The following SENP7 variants were observed in gnomAD, a reference collection of about 807,000 sequenced individuals.
The protein encoded by SENP7 is SUMO specific peptidase 7.
A neutral mutation model predicts 141.2 loss-of-function variants in SENP7; 64 were observed. The observed-to-expected ratio is 0.45, with a 90% CI of 0.37 to 0.56. The LOEUF (loss-of-function observed/expected upper bound fraction) is 0.56. SENP7 is among the 20% of genes least tolerant of loss of function. The pLI is 0.00. For missense variants in SENP7, 1,025 were observed against 1,212.2 expected (o/e 0.85, Z 2.29); for synonymous variants, 382 against 426.4 (o/e 0.90, Z 1.28).
intron 21 of SENP7, 43 bp downstream of exon 21, chr3:101,328,603 A>C: frequency 6.3e-7 from 1 of 1,597,450 alleles, no homozygotes; most frequent in Non-Finnish European, 8.6e-7. Flanking sequence ...AAGTATATCT[A>C]AATACCTCAA....
chr3:101,405,979 G>A (rs1029924512), intron 5 of SENP7, among the ~76,000 whole-genome samples: 1 of 152,178 alleles, frequency 6.6e-6, no homozygotes, highest in African/African-American at 2.4e-5. Flanking sequence ...CTTTTACACT[G>A]TTGGTGGGAC....
At chr3:101,369,802 T>C (rs948950942) in intron 7 of SENP7, among the ~76,000 whole-genome samples, 1 of 152,192 alleles carries the variant, frequency 6.6e-6, no homozygotes, top group African/African-American at 2.4e-5. Context: ...CTTTATTATA[T>C]AGAATGAAAT....
In SENP7 at chr3:101,358,394, A is replaced by G. The variant is rs1278410772; in HGVS notation, c.1623+3321T>C. On this transcript the variant is annotated intron_variant, in intron 11 of 23. Transcript: ENST00000394095. Reference sequence around the variant, plus strand: ...AAATGTTCCTCAACCCTTAATAAGCATAAGATAATTTATACTGGAGAGAAA... The same window carrying G: ...AAATGTTCCTCAACCCTTAATAAGCGTAAGATAATTTATACTGGAGAGAAA... The G allele has an allele frequency of 2.1e-5, 10 of 477,624 alleles. No individual in the cohort carries two copies. In the East Asian group the frequency reaches 3.9e-4, roughly 19 times the overall value. The allele number at this position is 477,624 out of a possible 1,614,324, so 29.6% of individuals were successfully genotyped here.
chr3:101,326,990 GAT>G (rs2058918329), intron 23 of SENP7, among the ~76,000 whole-genome samples: 1 of 151,216 alleles, frequency 6.6e-6, no homozygotes. Context: ...CCTAATTTCA[GAT>G]ATGTCATTAT....
At chr3:101,391,330 G>A (rs2060810015) in intron 6 of SENP7, among the ~76,000 whole-genome samples, 1 of 110,664 alleles carries the variant, frequency 9.0e-6, no homozygotes. Context: ...AAAATCACTG[G>A]CTACACCAAC....
chr3:101,457,653 G>T, intron 4 of SENP7: 1 of 1,509,824 alleles, frequency 6.6e-7, no homozygotes, highest in Non-Finnish European at 9.2e-7. Context: ...CCTTCTACGA[G>T]CAGTTCCTTT....
intron 4 of SENP7, chr3:101,457,392 T>C: frequency 6.8e-7 from 1 of 1,475,410 alleles, no homozygotes; most frequent in Non-Finnish European, 9.4e-7. Flanking sequence ...GTTCAGACTG[T>C]CTACACCAAG....
intron 1 of SENP7, among the ~76,000 whole-genome samples, chr3:101,508,855 T>C (rs931119967): frequency 4.6e-5 from 7 of 152,182 alleles, no homozygotes; most frequent in African/African-American, 1.7e-4. Flanking sequence ...AACTCACACT[T>C]GCTATAACTA....
chr3:101,362,691 C>T (rs1242536148), intron 10 of SENP7, among the ~76,000 whole-genome samples: 3 of 152,056 alleles, frequency 2.0e-5, no homozygotes, highest in Middle Eastern at 3.2e-3. Context: ...TTTTAATATG[C>T]CGTGAAGGAA....
chr3:101,431,809 C>T (rs777887616), intron 4 of SENP7, among the ~76,000 whole-genome samples: 2 of 152,084 alleles, frequency 1.3e-5, no homozygotes, highest in African/African-American at 2.4e-5. Context: ...TCCCTGAGGT[C>T]TGCCTTAGAC....
chr3:101,402,117 G>A (rs2061162096), intron 5 of SENP7, among the ~76,000 whole-genome samples: 1 of 152,080 alleles, frequency 6.6e-6, no homozygotes, highest in Non-Finnish European at 1.5e-5. Flanking sequence ...AGTGATGAAG[G>A]TGGCTACACT....
chr3:101,511,883 G>A (rs1026348483), intron 1 of SENP7, among the ~76,000 whole-genome samples: 1 of 152,010 alleles, frequency 6.6e-6, no homozygotes, highest in South Asian at 2.1e-4. Context: ...GCAGTGGTGC[G>A]ATCTCGGCTC....
At chr3:101,332,747 C>T in intron 18 of SENP7, 23 bp downstream of exon 18, 1 of 1,435,982 alleles carries the variant, frequency 7.0e-7, no homozygotes, top group Non-Finnish European at 9.2e-7. Flanking sequence ...CCAATATGTT[C>T]TTAAATAATC....
chr3:101,430,598 C>T (rs1023640484), intron 4 of SENP7, among the ~76,000 whole-genome samples: 3 of 151,956 alleles, frequency 2.0e-5, no homozygotes, highest in African/African-American at 4.8e-5. Flanking sequence ...ATTAGTCTGG[C>T]TATTGGTTTA....
At chr3:101,337,660 A>AAAAG (rs1198883073) in intron 16 of SENP7, 29 bp from the exon 17 acceptor site, 1 of 1,486,392 alleles carries the variant, frequency 6.7e-7, no homozygotes, top group South Asian at 1.4e-5. Context: ...ACAAAAGTAA[A>AAAAG]TTATTTTTAG....
intron 6 of SENP7, among the ~76,000 whole-genome samples, chr3:101,393,252 G>A (rs911140206): frequency 4.6e-5 from 7 of 152,054 alleles, no homozygotes; most frequent in Non-Finnish European, 8.8e-5. Context: ...CAAAACAGGG[G>A]AATAACTATA....
intron 4 of SENP7, among the ~76,000 whole-genome samples, chr3:101,438,881 GC>G (rs2062500150): frequency 6.6e-6 from 1 of 151,376 alleles, no homozygotes; most frequent in South Asian, 2.1e-4. Flanking sequence ...GCCCCGCGGG[GC>G]CCGAGGGCAA....
At chr3:101,327,911 G>T in intron 22 of SENP7, 95 bp from the exon 23 acceptor site, 1 of 1,074,172 alleles carries the variant, frequency 9.3e-7, no homozygotes, top group East Asian at 2.8e-5. Context: ...GTTGCCAGAT[G>T]TGCTGTCTCA....
chr3:101,463,886 G>A lies in SENP7; in HGVS notation c.187-4834C>T, dbSNP rs185312620. The stretch of plus-strand genomic sequence containing the variant: ...GTTGCCCAGCCTGGAGTGCAGTGGC[G>A]CGATCTCGGCTCACTGCAACCTCCG... On this transcript the variant is annotated intron_variant, in intron 3 of 23. Coordinates refer to ENST00000394095, the MANE Select transcript of SENP7 (RefSeq NM_020654.5). Among the ~76,000 whole-genome samples the A allele has an allele frequency of 3.9e-3, 586 of 152,100 alleles. 2 individuals carry two copies. Among genetic ancestry groups the A allele is most frequent in the Non-Finnish European group, 5.0e-3 (340 of 67,974 alleles).
Sources: allele counts gnomAD v4.1 joint callset (sites outside exome capture counted in the v4.1 genomes callset), GRCh38; gene constraint gnomAD v4.1.1; transcripts MANE v1.5; gene names NCBI Gene and HGNC (gene_info 2026-07-23, HGNC 2026-07-21).